FAM193A: variants seen among roughly 807,000 people sequenced by gnomAD.
The protein encoded by FAM193A is protein FAM193A.
FAM193A carries 22 observed loss-of-function variants against 126.5 expected under a neutral mutation model. The observed-to-expected ratio is 0.17, with a 90% CI of 0.12 to 0.25. FAM193A has a LOEUF of 0.25. Ranked by LOEUF, FAM193A falls within the 10% of genes least tolerant of loss-of-function variation. FAM193A has a pLI of 1.00. For synonymous variants in FAM193A, 761 were observed against 646.8 expected (o/e 1.18, Z -2.68); for missense variants, 1,675 against 1,672.8 (o/e 1.00, Z -0.02).
At chr4:2,563,003 G>C (rs1373960259) in intron 1 of FAM193A, among the ~76,000 whole-genome samples, 1 of 151,730 alleles carries the variant, frequency 6.6e-6, no homozygotes, top group African/African-American at 2.4e-5. Context: ...GGAGTGCAGT[G>C]GTGCAATCTT....
rs146744848 is a variant in FAM193A at position 2,727,928 on chromosome 4, A to T, written c.4455-3847A>T. ...GATGCGCCACCATGCCTAGCTAATT[A>T]AAAAAAAAAAAATTATTTTATTTAT... On this transcript the variant is annotated intron_variant, in intron 20 of 20. Transcript: ENST00000637812. Among the ~76,000 whole-genome samples, 623 of 140,590 alleles carry T rather than the reference A, an allele frequency of 4.4e-3. 1 individual carries two copies. Among genetic ancestry groups the T allele is most frequent in the Non-Finnish European group, 8.0e-3 (526 of 65,890 alleles). The allele number at this position is 140,590 out of a possible 152,430, so 92.2% of individuals were successfully genotyped here. A position where few individuals can be genotyped will look rare whatever the true frequency, so the allele number is the denominator to read the frequency against.
intron 18 of FAM193A, among the ~76,000 whole-genome samples, chr4:2,696,899 C>T (rs541201844): frequency 2.8e-4 from 42 of 152,246 alleles, no homozygotes; most frequent in Non-Finnish European, 1.6e-4. Flanking sequence ...ACCTTCTTTT[C>T]GAAGAAAGGA....
At chr4:2,708,016 C>T (rs1718503563) in intron 19 of FAM193A, 4 of 300,408 alleles carry the variant, frequency 1.3e-5, no homozygotes, top group South Asian at 9.6e-5. Flanking sequence ...TCCCAAAGTG[C>T]TGGGATTACA....
rs940429519 is a variant in FAM193A, at chr4:2,564,051, G to A, written c.255+26881G>A. 4.6e-5 allele frequency among the ~76,000 whole-genome samples: 7 copies of A among 152,150 alleles called. No individual in the cohort carries two copies. In the East Asian group the frequency reaches 7.7e-4, roughly 17 times the overall value. ...GTTTTCATAGGCAGGCATTTAATAC[G>A]GAGAATTAGTAGCATATGGCATTTA... On this transcript the variant is annotated intron_variant, in intron 1 of 20. Transcript: ENST00000637812.
chr4:2,678,380 T>TG (rs1714688048), intron 13 of FAM193A, among the ~76,000 whole-genome samples: 1 of 149,592 alleles, frequency 6.7e-6, no homozygotes. Flanking sequence ...TTTTTTTTTT[T>TG]GAGACAGAAT....
intron 1 of FAM193A, among the ~76,000 whole-genome samples, chr4:2,546,734 C>T (rs1646033336): frequency 6.6e-6 from 1 of 152,188 alleles, no homozygotes; most frequent in African/African-American, 2.4e-5. Flanking sequence ...ATAAACATGT[C>T]TATACAGGAT....
chr4:2,544,895 A>C (rs990258114), intron 1 of FAM193A, among the ~76,000 whole-genome samples: 1 of 152,080 alleles, frequency 6.6e-6, no homozygotes. Flanking sequence ...AAGACTATAG[A>C]TAGAACAATT....
At chr4:2,696,623 G>A (rs372384269) in intron 18 of FAM193A, 30 bp downstream of exon 18, 85 of 1,561,134 alleles carry the variant, frequency 5.4e-5, no homozygotes, top group Non-Finnish European at 6.9e-5. Context: ...ACCTGGAGGC[G>A]CCAGGTCTGA....
At chr4:2,637,221 G>T (rs1034599175) in intron 5 of FAM193A, among the ~76,000 whole-genome samples, 1 of 152,160 alleles carries the variant, frequency 6.6e-6, no homozygotes, top group Non-Finnish European at 1.5e-5. Context: ...CAGCCACTCC[G>T]GAGGCTGAGG....
intron 20 of FAM193A, among the ~76,000 whole-genome samples, chr4:2,724,437 T>C (rs1245349981): frequency 6.6e-6 from 1 of 152,248 alleles, no homozygotes; most frequent in Non-Finnish European, 1.5e-5. Flanking sequence ...GTATTTTATA[T>C]GTAGAACTGT....
At chr4:2,552,956 T>G (rs949189804) in intron 1 of FAM193A, among the ~76,000 whole-genome samples, 1 of 150,434 alleles carries the variant, frequency 6.6e-6, no homozygotes, top group African/African-American at 2.5e-5. Flanking sequence ...CAAGCAATTC[T>G]CTTGCCTCAG....
At chr4:2,555,999 C>T (rs1280621695) in intron 1 of FAM193A, among the ~76,000 whole-genome samples, 3 of 150,932 alleles carry the variant, frequency 2.0e-5, no homozygotes. Context: ...CAGGTTCAGG[C>T]GATTCCCCTG....
chr4:2,732,020 C>T lies in FAM193A; in HGVS notation c.*152C>T. 2 of 683,068 alleles carry T rather than the reference C, an allele frequency of 2.9e-6. No individual in the cohort carries two copies. Among genetic ancestry groups the T allele is most frequent in the Admixed American group, 2.2e-5 (1 of 45,940 alleles). 42.3% of individuals were successfully genotyped at this position (683,068 alleles called of 1,614,324 possible). ...GAAACCCCAGACCGAGAAGTTGATG[C>T]TCGGCCCACGCCGTTAGCTCGTGTG... On this transcript the variant is annotated 3_prime_UTR_variant, in exon 21 of 21. Coordinates refer to ENST00000637812, the MANE Select transcript of FAM193A (RefSeq NM_001366318.2).
chr4:2,582,960 TCA>T (rs1456457190), intron 1 of FAM193A, among the ~76,000 whole-genome samples: 2 of 152,166 alleles, frequency 1.3e-5, no homozygotes, highest in East Asian at 3.9e-4. Context: ...TGGTTAAGGC[TCA>T]GTTTTTTGTT....
chr4:2,565,254 C>CTTTTTTT lies in FAM193A; in HGVS notation c.255+28100_255+28106dup, dbSNP rs71644338. 1.6e-4 allele frequency among the ~76,000 whole-genome samples: 8 copies of CTTTTTTT among 50,696 alleles called. 1 individual carries two copies. The highest frequency in any genetic ancestry group is 5.1e-4 in the African/African-American group (6 of 11,860). 33.3% of individuals were successfully genotyped at this position (50,696 alleles called of 152,430 possible). A position where few individuals can be genotyped will look rare whatever the true frequency, so the allele number is the denominator to read the frequency against. Reference sequence around the variant, plus strand: ...TGGATATACACAATGATAGAGTAGCCTTTTTTTTTTTTTTTTTTTTTTAAA... The same window carrying CTTTTTTT: ...TGGATATACACAATGATAGAGTAGCCTTTTTTTTTTTTTTTTTTTTTTTTTTTTTAAA... On this transcript the variant is annotated intron_variant, in intron 1 of 20. Coordinates refer to ENST00000637812, the MANE Select transcript of FAM193A (RefSeq NM_001366318.2).
intron 5 of FAM193A, among the ~76,000 whole-genome samples, chr4:2,636,361 C>A (rs1343267935): frequency 6.6e-6 from 1 of 152,082 alleles, no homozygotes; most frequent in African/African-American, 2.4e-5. Flanking sequence ...CCGTGCCCTG[C>A]CAGGAAGAAT....
chr4:2,576,862 TTGGGCTTAAGGGGCTCA>T (rs1739616690), intron 1 of FAM193A, among the ~76,000 whole-genome samples: 1 of 152,214 alleles, frequency 6.6e-6, no homozygotes, highest in African/African-American at 2.4e-5. Context: ...GTTCAGCACT[TTGGGCTTAAGGGGCTCA>T]TGGAGATACT....
chr4:2,703,140 C>G (rs1717925519), intron 19 of FAM193A, among the ~76,000 whole-genome samples: 1 of 152,120 alleles, frequency 6.6e-6, no homozygotes, highest in African/African-American at 2.4e-5. Flanking sequence ...AGAGATTGTC[C>G]TCATTCTTTC....
At chr4:2,608,246 C>G in intron 2 of FAM193A, 2 of 830,370 alleles carry the variant, frequency 2.4e-6, no homozygotes, top group Non-Finnish European at 3.7e-6. Context: ...TGGTGCAATC[C>G]TGATTCTCTG....
Sources: gnomAD v4.1 joint callset for allele counts (sites outside exome capture counted in the v4.1 genomes callset) on GRCh38, gnomAD v4.1.1 for gene constraint, MANE v1.5 for transcripts, NCBI Gene and HGNC (gene_info 2026-07-23, HGNC 2026-07-21) for gene names.